The following STRN3 variants were observed in gnomAD, a reference collection of about 807,000 sequenced individuals.
STRN3 encodes the protein striatin-3.
Under a neutral mutation model 95.6 loss-of-function variants are expected in STRN3, and 29 were observed. The ratio of observed to expected loss-of-function variants is 0.30; its 90% CI spans 0.23 to 0.41. The LOEUF is 0.41. STRN3 is among the 10% of genes least tolerant of loss of function. The pLI is 1.00. For missense variants in STRN3, 890 were observed against 972.1 expected (o/e 0.92, Z 1.12); for synonymous variants, 331 against 357.6 (o/e 0.93, Z 0.84).
intron 1 of STRN3, among the ~76,000 whole-genome samples, chr14:30,965,324 G>C (rs1266456848): frequency 6.6e-6 from 1 of 152,158 alleles, no homozygotes; most frequent in Admixed American, 6.5e-5. Flanking sequence ...ACATGCTTTG[G>C]ATGTTATATA....
At chr14:31,004,729 C>T (rs995148091) in intron 1 of STRN3, among the ~76,000 whole-genome samples, 1 of 151,864 alleles carries the variant, frequency 6.6e-6, no homozygotes, top group South Asian at 2.1e-4. Context: ...GCCAAGATCG[C>T]GCCATTGCAC....
At chr14:30,983,394 A>C (rs1203434619) in intron 1 of STRN3, among the ~76,000 whole-genome samples, 3 of 152,048 alleles carry the variant, frequency 2.0e-5, no homozygotes, top group African/African-American at 7.2e-5. Flanking sequence ...AATACAAAAA[A>C]ATTAGCCGCG....
chr14:30,913,543 T>A lies in STRN3; in HGVS notation c.1355A>T (p.Asp452Val). ...GDLADLTVTN[D>V]ADYSYDLPAN... is the part of the protein sequence containing the mutation. ...ACTTACATCATAACTATAGTCTGCA[T>A]CATTTGTTACCGTCAAGTCTGCAAG... Residue 452 changes from aspartate (D) to valine (V), a missense_variant, in exon 10 of 18, where the codon GAT becomes GTT. Asp to Val is a radical substitution (Grantham distance 152). Around this residue, in one of 3 missense-constraint regions of STRN3, gnomAD observed 357 missense variants for 422.8 expected, o/e 0.84. Coordinates refer to ENST00000357479, the MANE Select transcript of STRN3 (RefSeq NM_001083893.2). 3.1e-6 allele frequency: 5 copies of A among 1,612,800 alleles called. No homozygotes were observed. The highest frequency in any genetic ancestry group is 4.2e-6 in the Non-Finnish European group (5 of 1,179,276).
At chr14:30,996,089 T>C (rs1882185976) in intron 1 of STRN3, among the ~76,000 whole-genome samples, 1 of 152,210 alleles carries the variant, frequency 6.6e-6, no homozygotes, top group Non-Finnish European at 1.5e-5. Context: ...TTATTTTCCA[T>C]TCCTTTCACA....
chr14:30,911,238 C>T, intron 12 of STRN3, 76 bp from the exon 13 acceptor site: 1 of 1,461,194 alleles, frequency 6.8e-7, no homozygotes, highest in Non-Finnish European at 9.2e-7. Context: ...CCCCCAACCT[C>T]TGAATTTATG....
intron 1 of STRN3, among the ~76,000 whole-genome samples, chr14:30,974,607 C>CA (rs34613702): frequency 0.56 from 67,876 of 120,514 alleles, 19,196 homozygotes; most frequent in Non-Finnish European, 0.62. Context: ...AGCATAACTA[C>CA]AAAAAAAAAA....
chr14:31,006,022 G>A (rs1254852675), intron 1 of STRN3, among the ~76,000 whole-genome samples: 1 of 151,464 alleles, frequency 6.6e-6, no homozygotes, highest in African/African-American at 2.4e-5. Context: ...TCAGGAGGGA[G>A]GCAGGACAAT....
chr14:30,966,608 T>C lies in STRN3; in HGVS notation c.283-10366A>G, dbSNP rs190401900. Among the ~76,000 whole-genome samples, 160 of 152,290 alleles carry C rather than the reference T, an allele frequency of 1.1e-3. 1 individual carries two copies. Among genetic ancestry groups the C allele is most frequent in the Middle Eastern group, 3.4e-3 (1 of 294 alleles). ...TCCTCACATACTGCTGCGATGACTG[T>C]GCACAGGCCAAGGAAGGAGAAGCCG... On this transcript the variant is annotated intron_variant, in intron 1 of 17. Coordinates refer to ENST00000357479, the MANE Select transcript of STRN3 (RefSeq NM_001083893.2).
chr14:30,914,717 A>C (rs1896693169), intron 9 of STRN3, among the ~76,000 whole-genome samples: 1 of 152,084 alleles, frequency 6.6e-6, no homozygotes, highest in Admixed American at 6.5e-5. Flanking sequence ...TTACCATGAC[A>C]CTCTAAAATG....
At chr14:30,995,133 T>C (rs1882139629) in intron 1 of STRN3, among the ~76,000 whole-genome samples, 1 of 152,246 alleles carries the variant, frequency 6.6e-6, no homozygotes, top group Non-Finnish European at 1.5e-5. Context: ...CATTACCTGA[T>C]AACCCACAGT....
At chr14:30,993,268 A>C (rs1594553769) in intron 1 of STRN3, among the ~76,000 whole-genome samples, 1 of 151,618 alleles carries the variant, frequency 6.6e-6, no homozygotes, top group East Asian at 1.9e-4. Context: ...AAAAAAAAAA[A>C]AACCCACAAA....
Position 30,987,801 on chromosome 14 carries a change from G to A in STRN3, c.283-31559C>T, listed in dbSNP as rs527694377. On this transcript the variant is annotated intron_variant, in intron 1 of 17. Coordinates refer to ENST00000357479, the MANE Select transcript of STRN3 (RefSeq NM_001083893.2). ...TGCCCAGGCTGGAGTGCAGTGGCGC[G>A]CGGTCTTGGTACTGCAACCTCTGCC... Among the ~76,000 whole-genome samples, 295 of 151,422 alleles carry A rather than the reference G, an allele frequency of 1.9e-3. 4 individuals are homozygous for A. Among genetic ancestry groups the A allele is most frequent in the African/African-American group, 6.7e-3 (278 of 41,248 alleles).
intron 4 of STRN3, among the ~76,000 whole-genome samples, chr14:30,949,273 C>T (rs1879519532): frequency 6.6e-6 from 1 of 152,118 alleles, no homozygotes. Context: ...CTGATAAATA[C>T]CTTTTTGAAT....
At chr14:30,983,220 T>TA (rs1284544477) in intron 1 of STRN3, among the ~76,000 whole-genome samples, 1 of 152,162 alleles carries the variant, frequency 6.6e-6, no homozygotes, top group Non-Finnish European at 1.5e-5. Flanking sequence ...TGGAAGAACT[T>TA]ACTTCATCTA....
chr14:31,026,031 G>A lies in STRN3; in HGVS notation c.155C>T (p.Ala52Val), dbSNP rs1883874673. The A allele has an allele frequency of 1.3e-6, 2 of 1,537,546 alleles. No homozygotes were observed. The highest frequency in any genetic ancestry group is 2.0e-5 in the Admixed American group (1 of 50,204). ...CGGCCGGGACAGCTCGGGGCCTGCC[G>A]CGGGACCCGCTCCCTCGGAGGCCGG... ...GPPASEGAGPAAGPELSRPQQ... is the reference protein window; with the variant it reads ...GPPASEGAGPVAGPELSRPQQ... Residue 52 changes from alanine (A) to valine (V), a missense_variant, in exon 1 of 18, where the codon GCG becomes GTG. Coordinates refer to ENST00000357479, the MANE Select transcript of STRN3 (RefSeq NM_001083893.2).
chr14:30,899,899 T>C (rs1896258356), intron 16 of STRN3, among the ~76,000 whole-genome samples: 1 of 152,202 alleles, frequency 6.6e-6, no homozygotes, highest in African/African-American at 2.4e-5. Flanking sequence ...AACCTATTCA[T>C]AGCATAAAGT....
chr14:31,001,533 C>T lies in STRN3; in HGVS notation c.282+24371G>A, dbSNP rs111468467. On this transcript the variant is annotated intron_variant, in intron 1 of 17. Coordinates refer to ENST00000357479, the MANE Select transcript of STRN3 (RefSeq NM_001083893.2). ...CTCCAGCCTGGGCAACAGAGTGAGACCCCACCTAAAAAAAAAAAAACTGAA... is the reference window on the plus strand; with the variant it reads ...CTCCAGCCTGGGCAACAGAGTGAGATCCCACCTAAAAAAAAAAAAACTGAA... Among the ~76,000 whole-genome samples, 1,367 of 150,904 alleles carry T rather than the reference C, an allele frequency of 9.1e-3. 26 individuals carry two copies. The highest frequency in any genetic ancestry group is 0.032 in the African/African-American group (1,300 of 41,054).
intron 9 of STRN3, among the ~76,000 whole-genome samples, chr14:30,914,776 A>G (rs1325786374): frequency 6.6e-6 from 1 of 152,224 alleles, no homozygotes; most frequent in African/African-American, 2.4e-5. Flanking sequence ...CAGATTTGCC[A>G]TTTCAATTTC....
chr14:30,984,514 T>A (rs1881582122), intron 1 of STRN3, among the ~76,000 whole-genome samples: 1 of 152,098 alleles, frequency 6.6e-6, no homozygotes. Flanking sequence ...AAACCACTCA[T>A]AAGGATAGCA....
Sources: gnomAD v4.1 joint callset for allele counts (sites outside exome capture counted in the v4.1 genomes callset) on GRCh38, gnomAD v4.1.1 for gene constraint, gnomAD v4.1.1 regional missense constraint, MANE v1.5 for transcripts, NCBI Gene and HGNC (gene_info 2026-07-23, HGNC 2026-07-21) for gene names.